The following ANXA7 variants were observed in gnomAD, a reference collection of about 807,000 sequenced individuals.
The protein encoded by ANXA7 is annexin VII.
In ANXA7, 55 loss-of-function variants were observed where a neutral mutation model predicts 64.9. The observed-to-expected ratio is 0.85, with a 90% CI of 0.68 to 1.06. The LOEUF (loss-of-function observed/expected upper bound fraction) is 1.06, where lower values mean the gene tolerates loss of function less well. Ranked by LOEUF, ANXA7 falls within the 50% of genes least tolerant of loss-of-function variation. ANXA7 has a pLI of 0.00. For missense variants in ANXA7, 548 were observed against 582.1 expected (o/e 0.94, Z 0.60); for synonymous variants, 200 against 192.4 (o/e 1.04, Z -0.33).
intron 9 of ANXA7, among the ~76,000 whole-genome samples, chr10:73,380,761 A>T (rs2055262763): frequency 6.6e-6 from 1 of 152,216 alleles, no homozygotes; most frequent in Non-Finnish European, 1.5e-5. Context: ...AAATGTTTAA[A>T]CAAAAATATC....
intron 5 of ANXA7, among the ~76,000 whole-genome samples, chr10:73,395,573 C>G (rs771551100): frequency 2.0e-5 from 3 of 152,106 alleles, no homozygotes; most frequent in Non-Finnish European, 2.9e-5. Flanking sequence ...CACCTGAGGT[C>G]AAGAGTTCGA....
rs1589661399 is a variant in ANXA7 at position 73,400,038 on chromosome 10, G to A, written c.54+765C>T. Among the ~76,000 whole-genome samples, 6 of 151,622 alleles carry A rather than the reference G, an allele frequency of 4.0e-5. No homozygotes were observed. In the South Asian group the frequency reaches 8.4e-4, roughly 21 times the overall value. ...GGCACCTGAAATCCTAGCTACTCGG[G>A]AGGCTGAGGCAGGAGAATCACTTGA... On this transcript the variant is annotated intron_variant, in intron 2 of 12. Transcript: ENST00000372921.
chr10:73,389,443 T>C (rs1044422458), intron 5 of ANXA7, among the ~76,000 whole-genome samples: 3 of 152,212 alleles, frequency 2.0e-5, no homozygotes, highest in Non-Finnish European at 4.4e-5. Flanking sequence ...AACAGTACTA[T>C]ATCGATGTTA....
At chr10:73,385,466 G>C (rs2055352621) in intron 7 of ANXA7, among the ~76,000 whole-genome samples, 1 of 152,078 alleles carries the variant, frequency 6.6e-6, no homozygotes. Context: ...TTATAGATTA[G>C]ATCAATAAAA....
At chr10:73,398,125 A>C in intron 3 of ANXA7, 56 bp downstream of exon 3, 2 of 1,535,076 alleles carry the variant, frequency 1.3e-6, no homozygotes, top group South Asian at 2.3e-5. Context: ...TAAAGGGAGA[A>C]GGAAAAAGTG....
chr10:73,398,382 C>A lies in ANXA7; in HGVS notation c.58G>T (p.Ala20Ser), dbSNP rs367885179. ...GGGGGAAAAGATGACTCCTGACCTG[C>A]AGGCTGAAAAATCAGAATAATTTTT... ...GYPPFPGYPPAGQESSFPPSG... is the reference protein window; with the variant it reads ...GYPPFPGYPPSGQESSFPPSG... Residue 20 changes from alanine (A) to serine (S), a missense_variant, in exon 3 of 13, where the codon GCA becomes TCA. Ala to Ser is a moderately conservative substitution (Grantham distance 99, BLOSUM62 1). Transcript: ENST00000372921. 2.1e-5 allele frequency: 33 copies of A among 1,607,144 alleles called. No individual in the cohort carries two copies. In the Admixed American group the frequency reaches 5.5e-4, roughly 27 times the overall value.
chr10:73,383,522 G>A lies in ANXA7; in HGVS notation c.747+55C>T, dbSNP rs112991467. On this transcript the variant is annotated intron_variant, in intron 8 of 12. Coordinates refer to ENST00000372921, the MANE Select transcript of ANXA7 (RefSeq NM_001156.5). Reference sequence around the variant, plus strand: ...AATTCAGAACTGTCATAATTTGTACGGTTTTACATATGAAATAGGACAAAA... The same window carrying A: ...AATTCAGAACTGTCATAATTTGTACAGTTTTACATATGAAATAGGACAAAA... 128 of 1,412,198 alleles carry A rather than the reference G, an allele frequency of 9.1e-5. 1 individual carries two copies. Among genetic ancestry groups the A allele is most frequent in the African/African-American group, 8.6e-4 (60 of 69,780 alleles). 87.5% of individuals were successfully genotyped at this position (1,412,198 alleles called of 1,614,324 possible).
chr10:73,413,796 G>C (rs1394479975), intron 1 of ANXA7, among the ~76,000 whole-genome samples: 1 of 152,118 alleles, frequency 6.6e-6, no homozygotes, highest in Non-Finnish European at 1.5e-5. Flanking sequence ...AGGGCTTCCC[G>C]TAAGCCAGGC....
At chr10:73,397,053 AAT>A in intron 4 of ANXA7, 109 bp downstream of exon 4, 1 of 481,376 alleles carries the variant, frequency 2.1e-6, no homozygotes, top group Non-Finnish European at 3.6e-6. Flanking sequence ...TATTTATGGA[AAT>A]ATAAACATTT....
intron 9 of ANXA7, 145 bp from the exon 10 acceptor site, chr10:73,380,346 T>G (rs1185677648): frequency 3.2e-5 from 25 of 781,474 alleles, no homozygotes; most frequent in Non-Finnish European, 3.0e-5. Flanking sequence ...CAGGCTGGAG[T>G]GCAGTATCAA....
intron 5 of ANXA7, among the ~76,000 whole-genome samples, chr10:73,395,540 T>G (rs2055555517): frequency 6.6e-6 from 1 of 152,138 alleles, no homozygotes; most frequent in Non-Finnish European, 1.5e-5. Context: ...TCCCAGCTCT[T>G]TGGGAGGCCG....
intron 7 of ANXA7, among the ~76,000 whole-genome samples, chr10:73,385,306 G>A (rs1046791069): frequency 3.7e-4 from 56 of 152,320 alleles, no homozygotes; most frequent in Non-Finnish European, 5.7e-4. Flanking sequence ...ACAATATTCA[G>A]AATGGATGAT....
chr10:73,381,373 T>C (rs2055272314), intron 9 of ANXA7: 1 of 152,222 alleles, frequency 6.6e-6, no homozygotes, highest in Admixed American at 6.5e-5. Context: ...AGGAAGAGTT[T>C]AAGCTTAATG....
At position 73,398,100 on chromosome 10, in the gene ANXA7, C is replaced by T; in HGVS notation, c.259+81G>A. The stretch of plus-strand genomic sequence containing the variant: ...GCGACTTGACCTTATACAAAACAAG[C>T]AGGAATGAAGAGGATAAAGGGAGAA... On this transcript the variant is annotated intron_variant, in intron 3 of 12. Coordinates refer to ENST00000372921, the MANE Select transcript of ANXA7 (RefSeq NM_001156.5). 6 of 1,387,740 alleles carry T rather than the reference C, an allele frequency of 4.3e-6. No individual in the cohort carries two copies. In the East Asian group the frequency reaches 7.2e-5, roughly 17 times the overall value. 86.0% of individuals were successfully genotyped at this position (1,387,740 alleles called of 1,614,324 possible). A position where few individuals can be genotyped will look rare whatever the true frequency, so the allele number is the denominator to read the frequency against.
Position 73,377,934 on chromosome 10 carries a change from C to T in ANXA7, c.1278+977G>A, listed in dbSNP as rs552255474. Among the ~76,000 whole-genome samples, 50 of 137,530 alleles carry T rather than the reference C, an allele frequency of 3.6e-4. 1 individual carries two copies. The South Asian group carries it at 5.9e-3, about 16-fold the overall frequency. The allele number at this position is 137,530 out of a possible 152,430, so 90.2% of individuals were successfully genotyped here. On this transcript the variant is annotated intron_variant, in intron 12 of 12. Transcript: ENST00000372921. ...GTGTGTGTGTGTGTGTGTGTGTGCG[C>T]GCGCGTGTGTTTTTTGTAGAAATAG...
chr10:73,379,769 T>G, intron 11 of ANXA7, 110 bp downstream of exon 11: 1 of 1,055,258 alleles, frequency 9.5e-7, no homozygotes, highest in Middle Eastern at 3.1e-4. Flanking sequence ...GATCAGCTAC[T>G]GCCTAAGCAG....
rs774468648 is a variant in ANXA7, at chr10:73,400,800, T to TA, written c.54+2dup. The TA allele has an allele frequency of 1.2e-6, 2 of 1,603,900 alleles. No individual in the cohort carries two copies. Among genetic ancestry groups the TA allele is most frequent in the African/African-American group, 2.7e-5 (2 of 74,446 alleles). ...ATGTGAGGTATTAAGTGGCAATACTTACAGGATATCCAGGGAAAGGTGGGT... is the reference window on the plus strand; with the variant it reads ...ATGTGAGGTATTAAGTGGCAATACTTAACAGGATATCCAGGGAAAGGTGGGT... On this transcript the variant is annotated splice_region_variant and intron_variant, in intron 2 of 12. Transcript: ENST00000372921.
chr10:73,385,333 T>C (rs1728888454), intron 7 of ANXA7, among the ~76,000 whole-genome samples: 1 of 152,176 alleles, frequency 6.6e-6, no homozygotes, highest in African/African-American at 2.4e-5. Context: ...AAAGAAGCTA[T>C]AGATGAAAAC....
chr10:73,401,242 C>T lies in ANXA7; in HGVS notation c.-1-385G>A, dbSNP rs534781872. Among the ~76,000 whole-genome samples the T allele has an allele frequency of 2.1e-3, 297 of 143,262 alleles. 3 individuals carry two copies. Among genetic ancestry groups the T allele is most frequent in the African/African-American group, 8.2e-3 (286 of 34,738 alleles). The allele number at this position is 143,262 out of a possible 152,430, so 94.0% of individuals were successfully genotyped here. ...AATGGTTAAGGCCTTTGAAAACATA[C>T]AGATATACACACACATACACAACAC... is the stretch of plus-strand genomic sequence containing the variant. On this transcript the variant is annotated intron_variant, in intron 1 of 12. Transcript: ENST00000372921.
Sources: gnomAD v4.1 joint callset for allele counts (sites outside exome capture counted in the v4.1 genomes callset) on GRCh38, gnomAD v4.1.1 for gene constraint, MANE v1.5 for transcripts, NCBI Gene and HGNC (gene_info 2026-07-23, HGNC 2026-07-21) for gene names.